The following SHOX variants were observed in gnomAD, a reference collection of about 807,000 sequenced individuals.
SHOX encodes SHOX homeobox.
SHOX carries 12 observed loss-of-function variants against 29.6 expected under a neutral mutation model. The observed-to-expected ratio is 0.41, with a 90% CI of 0.26 to 0.66. The LOEUF (loss-of-function observed/expected upper bound fraction) is 0.66. Among genes scored for constraint, SHOX ranks in the 30% least tolerant of loss-of-function variants. The pLI, the probability that SHOX is intolerant of heterozygous loss-of-function variation, is 0.35. For missense variants in SHOX, 499 were observed against 437.7 expected, an observed-to-expected ratio of 1.14 and a Z score of -1.25; for synonymous variants, 214 against 200.6, an observed-to-expected ratio of 1.07 and a Z score of -0.57.
In SHOX at chrX:649,667, G is replaced by A. The variant is rs1259316652; in HGVS notation, c.*5031G>A. 2.0e-5 allele frequency among the ~76,000 whole-genome samples: 3 copies of A among 152,156 alleles called. No homozygotes were observed. The highest frequency in any genetic ancestry group is 6.6e-5 in the Admixed American group (1 of 15,266). On this transcript the variant is annotated 3_prime_UTR_variant, in exon 5 of 5. Coordinates refer to ENST00000686671, the MANE Select transcript of SHOX (RefSeq NM_000451.4). ...GTGGGCTGTGTTCCGATGTAACGCC[G>A]TTGCAGAGAGAGGATTTGGTGTGTG...
rs1569495686 is a variant in SHOX at position 648,911 on chromosome X, T to TTCCTTCCTTCCTTCCTTCCTTCCTTC, written c.*4275_*4276insTCCTTCCTTCCTTCCTTCCTTCCTTC. ...CTTCTCCTTCCTTCCTTCCTTCCTT[T>TTCCTTCCTTCCTTCCTTCCTTCCTTC]CTTTCTTTTTCTTTCTTTCTCTCTT... is the stretch of plus-strand genomic sequence containing the variant. On this transcript the variant is annotated 3_prime_UTR_variant, in exon 5 of 5. Transcript: ENST00000686671. 3.0e-3 allele frequency among the ~76,000 whole-genome samples: 380 copies of TTCCTTCCTTCCTTCCTTCCTTCCTTC among 127,462 alleles called. 4 individuals are homozygous for TTCCTTCCTTCCTTCCTTCCTTCCTTC. Among genetic ancestry groups the TTCCTTCCTTCCTTCCTTCCTTCCTTC allele is most frequent in the African/African-American group, 0.01 (351 of 34,132 alleles). 83.6% of individuals were successfully genotyped at this position (127,462 alleles called of 152,430 possible). A position where few individuals can be genotyped will look rare whatever the true frequency, so the allele number is the denominator to read the frequency against.
At chrX:630,667 G>T, upstream of SHOX, 1 of 610,252 alleles carries the variant, frequency 1.6e-6, no homozygotes. Context: ...GGGTGGGGGA[G>T]ACACAGCGTC....
At chrX:642,696 TCTTGGGGACCTGGTGTCCCCGGGAAAAA>T (rs2052876814) in intron 4 of SHOX, among the ~76,000 whole-genome samples, 1 of 152,040 alleles carries the variant, frequency 6.6e-6, no homozygotes. Context: ...CGCACCGGAG[TCTTGGGGACCTGGTGTCCCCGGGAAAAA>T]CTTGGGGACC....
chrX:625,354 T>C (rs1292592453), intron 1 of SHOX, among the ~76,000 whole-genome samples: 1 of 152,012 alleles, frequency 6.6e-6, no homozygotes, highest in Non-Finnish European at 1.5e-5. Flanking sequence ...CTGATTCTTT[T>C]GGGACGCTTG....
downstream of SHOX, among the ~76,000 whole-genome samples, chrX:655,587 T>C (rs2053127765): frequency 2.0e-5 from 1 of 50,624 alleles, no homozygotes. Context: ...TCTCTCTCTC[T>C]CTCTCTCTCT....
At position 646,930 on chromosome X, in the gene SHOX, G is replaced by A. The variant is rs2052976201; in HGVS notation, c.*2294G>A. The A allele has an allele frequency of 6.8e-6, 1 of 146,372 alleles. No individual in the cohort carries two copies. Among genetic ancestry groups the A allele is most frequent in the African/African-American group, 2.6e-5 (1 of 38,926 alleles). 9.1% of individuals were successfully genotyped at this position (146,372 alleles called of 1,614,324 possible). A position where few individuals can be genotyped will look rare whatever the true frequency, so the allele number is the denominator to read the frequency against. On this transcript the variant is annotated 3_prime_UTR_variant, in exon 5 of 5. Transcript: ENST00000686671. ...AACCCTTTGGAAAAGTGGTTGGTAA[G>A]ATATGTACAGCCCTAGATTTTTTTT...
At chrX:633,006 G>C (rs373732180) in intron 1 of SHOX, among the ~76,000 whole-genome samples, 2 of 152,182 alleles carry the variant, frequency 1.3e-5, no homozygotes, top group Admixed American at 6.5e-5. Context: ...TCGAAAGTGA[G>C]AGGAAAATAA....
rs185033663 is a variant in SHOX, at chrX:648,518, C to T, written c.*3882C>T. On this transcript the variant is annotated 3_prime_UTR_variant, in exon 5 of 5. Transcript: ENST00000686671. ...TGCTGGGATTACAGGCGTGAGCCAC[C>T]GCACCTGGCCTGAATCTGAACTTTT... 1.3e-4 allele frequency among the ~76,000 whole-genome samples: 20 copies of T among 152,310 alleles called. No homozygotes were observed. Among genetic ancestry groups the T allele is most frequent in the East Asian group, 7.7e-4 (4 of 5,180 alleles).
chrX:644,905 C>T lies in SHOX; in HGVS notation c.*269C>T. ...GCCTCTCCAAGGCTGCCCGTGCGTC[C>T]TGGGACCCTGGAGAAGGGTAAACCC... On this transcript the variant is annotated 3_prime_UTR_variant, in exon 5 of 5. Coordinates refer to ENST00000686671, the MANE Select transcript of SHOX (RefSeq NM_000451.4). The T allele has an allele frequency of 4.4e-6, 2 of 449,716 alleles. No individual in the cohort carries two copies. Among genetic ancestry groups the T allele is most frequent in the Non-Finnish European group, 7.6e-6 (2 of 261,556 alleles). The allele number at this position is 449,716 out of a possible 1,614,324, so 27.9% of individuals were successfully genotyped here.
intron 4 of SHOX, 58 bp from the exon 5 acceptor site, chrX:644,333 G>A (rs1279759197): frequency 4.8e-6 from 7 of 1,467,492 alleles, no homozygotes; most frequent in Non-Finnish European, 5.4e-6. Flanking sequence ...GGCGCGGGGC[G>A]GAGCAGGCCC....
chrX:624,713 C>CTTTCTT (rs2052473572), intron 1 of SHOX: 1 of 139,852 alleles, frequency 7.2e-6, no homozygotes, highest in South Asian at 2.4e-4. Context: ...TTCTTTCTTT[C>CTTTCTT]TTTCTTTCTT....
intron 4 of SHOX, among the ~76,000 whole-genome samples, chrX:643,013 C>A (rs2052885300): frequency 7.1e-6 from 1 of 140,894 alleles, no homozygotes; most frequent in African/African-American, 2.7e-5. Context: ...GACCTGGTGT[C>A]TCTGGAAGAG....
At chrX:643,147 G>A (rs1406022039) in intron 4 of SHOX, among the ~76,000 whole-genome samples, 5 of 148,330 alleles carry the variant, frequency 3.4e-5, no homozygotes, top group African/African-American at 1.3e-4. Context: ...GGGACCTGGT[G>A]TCCTGAAAGA....
In SHOX at chrX:641,081, C is replaced by G. The variant is rs1197034794; in HGVS notation, c.627C>G (p.Phe209Leu). Reference protein sequence around the residue: ...YVNMGALRMPFQQVQAQLQLE... With the variant: ...YVNMGALRMPLQQVQAQLQLE... ...ACATGGGAGCCTTACGGATGCCTTTCCAACAGGTAGCTCACTTTTTCTTCC... is the reference window on the plus strand; with the variant it reads ...ACATGGGAGCCTTACGGATGCCTTTGCAACAGGTAGCTCACTTTTTCTTCC... Residue 209 changes from phenylalanine to leucine, a missense_variant, in exon 4 of 5, where the codon TTC becomes TTG. By Grantham distance (22) the Phe-to-Leu change is conservative. Transcript: ENST00000686671. 1.2e-6 allele frequency: 2 copies of G among 1,613,718 alleles called. No homozygotes were observed. Among genetic ancestry groups the G allele is most frequent in the Non-Finnish European group, 1.7e-6 (2 of 1,179,820 alleles).
chrX:655,838 G>T (rs2053139371), downstream of SHOX, among the ~76,000 whole-genome samples: 1 of 151,928 alleles, frequency 6.6e-6, no homozygotes, highest in African/African-American at 2.4e-5. Flanking sequence ...ACTTCCAAAA[G>T]ACACGCTGAG....
At chrX:634,859 G>T (rs774396128) in intron 2 of SHOX, 33 bp downstream of exon 2, 26 of 1,543,852 alleles carry the variant, frequency 1.7e-5, no homozygotes, top group Middle Eastern at 2.2e-4. Context: ...GGGGGGCCCG[G>T]AGCCATCGCC....
upstream of SHOX, among the ~76,000 whole-genome samples, chrX:627,682 T>C (rs564750235): frequency 6.6e-6 from 1 of 152,308 alleles, no homozygotes; most frequent in South Asian, 2.1e-4. Context: ...ACACAGCTCC[T>C]GACTGGTGTC....
At chrX:657,834 G>T (rs771765307) in intron 5 of SHOX, among the ~76,000 whole-genome samples, 1 of 152,278 alleles carries the variant, frequency 6.6e-6, no homozygotes, top group African/African-American at 2.4e-5. Context: ...GCTAAATGGG[G>T]TATGACCACA....
At chrX:640,537 C>T (rs1382076422) in intron 2 of SHOX, among the ~76,000 whole-genome samples, 2 of 152,166 alleles carry the variant, frequency 1.3e-5, no homozygotes, top group East Asian at 1.9e-4. Context: ...GATAGTGCCA[C>T]TGCACTCCAG....
Sources: allele counts gnomAD v4.1 joint callset (sites outside exome capture counted in the v4.1 genomes callset), GRCh38; gene constraint gnomAD v4.1.1; transcripts MANE v1.5; gene names NCBI Gene and HGNC (gene_info 2026-07-23, HGNC 2026-07-21).